NAV3: variants seen among roughly 807,000 people sequenced by gnomAD.
The protein encoded by NAV3 is pore membrane and/or filament interacting like protein 1.
In NAV3, 87 loss-of-function variants were observed where a neutral mutation model predicts 244.7. The ratio of observed to expected loss-of-function variants is 0.36; its 90% CI spans 0.30 to 0.42. NAV3 has a LOEUF of 0.42. Ranked by LOEUF, NAV3 falls within the 20% of genes least tolerant of loss-of-function variation. NAV3 has a pLI of 1.00. For missense variants in NAV3, 2,663 were observed against 2,893.3 expected (o/e 0.92, Z 1.83); for synonymous variants, 1,126 against 1,042.2 (o/e 1.08, Z -1.55).
At chr12:77,574,839 A>G (rs1052268063) in intron 2 of NAV3, among the ~76,000 whole-genome samples, 2 of 151,938 alleles carry the variant, frequency 1.3e-5, no homozygotes, top group African/African-American at 4.8e-5. Flanking sequence ...TGAGTCTGTG[A>G]GTATGTGTTC....
chr12:77,626,763 G>A (rs1437742596), intron 2 of NAV3, among the ~76,000 whole-genome samples: 1 of 152,136 alleles, frequency 6.6e-6, no homozygotes, highest in Non-Finnish European at 1.5e-5. Flanking sequence ...AGGAAAAACA[G>A]GGAACTCATC....
At chr12:77,857,016 T>A (rs1367514318) in intron 1 of NAV3, among the ~76,000 whole-genome samples, 2 of 152,158 alleles carry the variant, frequency 1.3e-5, no homozygotes, top group Admixed American at 6.5e-5. Context: ...CTGTTACTTT[T>A]AACATCAAAT....
At position 77,752,234 on chromosome 12, in the gene NAV3, C is replaced by T. The variant is rs1325713545; in HGVS notation, c.72+179968C>T. On this transcript the variant is annotated intron_variant, in intron 2 of 8. Coordinates refer to the NAV3 transcript ENST00000550042. Reference sequence around the variant, plus strand: ...ACTTTTGTTCTTAATTTAAACTTGGCACGGATCCTGTCTTTGGTGTAAAAC... The same window carrying T: ...ACTTTTGTTCTTAATTTAAACTTGGTACGGATCCTGTCTTTGGTGTAAAAC... 2.6e-5 allele frequency among the ~76,000 whole-genome samples: 4 copies of T among 152,116 alleles called. No individual in the cohort carries two copies. The South Asian group carries it at 6.2e-4, about 24-fold the overall frequency.
At chr12:77,987,248 TACAG>T (rs1870678294) in intron 5 of NAV3, among the ~76,000 whole-genome samples, 1 of 152,204 alleles carries the variant, frequency 6.6e-6, no homozygotes, top group South Asian at 2.1e-4. Context: ...TGATATTTGA[TACAG>T]ACAATATGGT....
At chr12:77,765,451 A>G (rs1869691600) in intron 2 of NAV3, among the ~76,000 whole-genome samples, 2 of 152,224 alleles carry the variant, frequency 1.3e-5, no homozygotes, top group African/African-American at 4.8e-5. Flanking sequence ...GTCCGTTACA[A>G]AAGAATATGG....
intron 12 of NAV3, among the ~76,000 whole-genome samples, chr12:78,070,576 A>G (rs906471308): frequency 1.4e-4 from 22 of 152,118 alleles, no homozygotes; most frequent in African/African-American, 5.3e-4. Context: ...TTATACTTTA[A>G]GTTTTAGGGT....
At chr12:78,084,124 A>C (rs147856336) in intron 12 of NAV3, among the ~76,000 whole-genome samples, 2 of 152,264 alleles carry the variant, frequency 1.3e-5, no homozygotes, top group South Asian at 4.2e-4. Context: ...CAGAAATCCT[A>C]CATTTCCCTG....
At chr12:78,210,133 C>T (rs1433372781) in intron 39 of NAV3, among the ~76,000 whole-genome samples, 1 of 152,220 alleles carries the variant, frequency 6.6e-6, no homozygotes, top group Non-Finnish European at 1.5e-5. Flanking sequence ...CCTTTCCAGT[C>T]TCCCTGCTGG....
At chr12:77,949,963 A>C (rs1890719705) in intron 3 of NAV3, among the ~76,000 whole-genome samples, 1 of 152,042 alleles carries the variant, frequency 6.6e-6, no homozygotes, top group Non-Finnish European at 1.5e-5. Flanking sequence ...ATATGGATTT[A>C]AGTTTCTTAC....
In NAV3 at chr12:77,809,510, G is replaced by A. The variant is rs560347703; in HGVS notation, c.73-130809G>A. Among the ~76,000 whole-genome samples the A allele has an allele frequency of 1.1e-3, 173 of 152,230 alleles. 1 individual carries two copies. The highest frequency in any genetic ancestry group is 4.0e-3 in the African/African-American group (165 of 41,538). Reference sequence around the variant, plus strand: ...CCTCCATGGGCTGTACCCACTGTGCGTCCAGTCCCAATGAGATGAGTCAGG... The same window carrying A: ...CCTCCATGGGCTGTACCCACTGTGCATCCAGTCCCAATGAGATGAGTCAGG... On this transcript the variant is annotated intron_variant, in intron 2 of 8. Coordinates refer to the NAV3 transcript ENST00000550042.
chr12:77,632,800 AT>A (rs1392690438), intron 2 of NAV3, among the ~76,000 whole-genome samples: 61 of 152,304 alleles, frequency 4.0e-4, no homozygotes, highest in African/African-American at 1.5e-3. Context: ...TTATATGTAT[AT>A]TGATTTTTAA....
intron 12 of NAV3, among the ~76,000 whole-genome samples, chr12:78,070,303 T>G (rs1952690647): frequency 6.6e-6 from 1 of 152,098 alleles, no homozygotes; most frequent in Non-Finnish European, 1.5e-5. Context: ...AATCAATGCC[T>G]TTTTGCAAAT....
intron 2 of NAV3, among the ~76,000 whole-genome samples, chr12:77,666,179 GTT>G (rs35767149): frequency 0.037 from 4,427 of 119,062 alleles, 50 homozygotes; most frequent in African/African-American, 0.057. Context: ...CATGTTTACA[GTT>G]TTTTTTTTTT....
chr12:77,591,077 A>G, intron 2 of NAV3, among the ~76,000 whole-genome samples: 1 of 152,236 alleles, frequency 6.6e-6, no homozygotes, highest in East Asian at 1.9e-4. Flanking sequence ...GCTAATAGTC[A>G]TTCAACTGGA....
chr12:77,809,610 C>T (rs1872182586), intron 2 of NAV3, among the ~76,000 whole-genome samples: 1 of 152,216 alleles, frequency 6.6e-6, no homozygotes, highest in African/African-American at 2.4e-5. Context: ...AGAGGTGTTC[C>T]TATTCAGCCA....
At chr12:78,159,307 T>G in intron 23 of NAV3, 21 bp downstream of exon 23, 1 of 1,602,006 alleles carries the variant, frequency 6.2e-7, no homozygotes, top group Non-Finnish European at 8.5e-7. Flanking sequence ...AAATTGCCAC[T>G]GGAGACTGAA....
intron 7 of NAV3, among the ~76,000 whole-genome samples, chr12:77,999,724 A>G (rs977294358): frequency 1.1e-4 from 16 of 152,320 alleles, no homozygotes; most frequent in African/African-American, 3.8e-4. Flanking sequence ...TTTAGATTTA[A>G]GATCACAAGA....
chr12:77,838,647 A>G (rs1350849685), intron 1 of NAV3, among the ~76,000 whole-genome samples: 2 of 152,214 alleles, frequency 1.3e-5, no homozygotes, highest in Non-Finnish European at 2.9e-5. Flanking sequence ...CATAAAGCCA[A>G]TAGATATGTC....
intron 22 of NAV3, among the ~76,000 whole-genome samples, chr12:78,155,836 T>G (rs890923463): frequency 1.3e-5 from 2 of 152,160 alleles, no homozygotes; most frequent in African/African-American, 4.8e-5. Context: ...GCCCACTTTT[T>G]AATGGGGAAG....
Sources: gnomAD v4.1 joint callset for allele counts (sites outside exome capture counted in the v4.1 genomes callset) on GRCh38, gnomAD v4.1.1 for gene constraint, MANE v1.5 for transcripts, NCBI Gene and HGNC (gene_info 2026-07-23, HGNC 2026-07-21) for gene names.